The following RELCH variants were observed in gnomAD, a reference collection of about 807,000 sequenced individuals.
The protein encoded by RELCH is RAB11 binding and LisH domain, coiled-coil and HEAT repeat containing, also known as RAB11-binding protein RELCH.
RELCH carries 41 observed loss-of-function variants against 150.3 expected under a neutral mutation model. The ratio of observed to expected loss-of-function variants is 0.27; its 90% CI spans 0.21 to 0.35. The LOEUF is 0.35. Ranked by LOEUF, RELCH falls within the 10% of genes least tolerant of loss-of-function variation. The probability of loss-of-function intolerance (pLI) is 1.00; values close to 1 mark genes in which losing one functional copy is unlikely to be tolerated. For missense variants in RELCH, 1,092 were observed against 1,467.8 expected (o/e 0.74, Z 4.18); for synonymous variants, 478 against 531.8 (o/e 0.90, Z 1.39).
At chr18:62,298,909 C>T (rs1012801628) in intron 28 of RELCH, 49 bp downstream of exon 28, 1 of 1,047,914 alleles carries the variant, frequency 9.5e-7, no homozygotes, top group Non-Finnish European at 1.4e-6. Context: ...TTTAATTTTT[C>T]TATCTAAATT....
At chr18:62,243,894 A>T (rs1443768491) in intron 10 of RELCH, among the ~76,000 whole-genome samples, 1 of 152,046 alleles carries the variant, frequency 6.6e-6, no homozygotes, top group Non-Finnish European at 1.5e-5. Context: ...TCTTAATTAC[A>T]TCATAGTGAT....
At chr18:62,254,080 T>A (rs1480852776) in intron 12 of RELCH, among the ~76,000 whole-genome samples, 2 of 152,112 alleles carry the variant, frequency 1.3e-5, no homozygotes, top group Non-Finnish European at 2.9e-5. Flanking sequence ...CGGTTCCAGG[T>A]CCCTTGAATT....
At chr18:62,299,767 T>C (rs1483516799) in intron 28 of RELCH, among the ~76,000 whole-genome samples, 2 of 152,176 alleles carry the variant, frequency 1.3e-5, no homozygotes, top group Non-Finnish European at 2.9e-5. Flanking sequence ...TGAATTTCTA[T>C]ACATGTTATA....
At position 62,305,581 on chromosome 18, in the gene RELCH, G is replaced by T; in HGVS notation, c.*47G>T. On this transcript the variant is annotated 3_prime_UTR_variant, in exon 29 of 29. Coordinates refer to ENST00000644646, the MANE Select transcript of RELCH (RefSeq NM_001346231.2). This position sits in a 1 kb window ranked among gnomAD's most constrained non-coding sequence, Gnocchi z 4.0. ...TAAACACTAAGATGGACCTCAAGCC[G>T]ACTGGTTCCTTGTACTTGAAGTACT... The T allele has an allele frequency of 1.3e-6, 2 of 1,548,444 alleles. No individual in the cohort carries two copies. Among genetic ancestry groups the T allele is most frequent in the South Asian group, 1.2e-5 (1 of 80,174 alleles).
chr18:62,300,108 A>T (rs1199199650), intron 28 of RELCH: 2 of 152,166 alleles, frequency 1.3e-5, no homozygotes, highest in African/African-American at 4.8e-5. Context: ...TTTTTTCTCC[A>T]TACAATTTAC....
At chr18:62,250,374 TTAGC>T (rs900215168) in intron 11 of RELCH, among the ~76,000 whole-genome samples, 5 of 152,180 alleles carry the variant, frequency 3.3e-5, no homozygotes, top group Non-Finnish European at 5.9e-5. Context: ...TTAAGAAAAT[TTAGC>T]TATTACAATT....
chr18:62,187,733 G>A lies in RELCH; in HGVS notation c.228G>A (p.Ser76=). ...GGCCAGGGCTCCCTGGGGAGGCGTC[G>A]GCGGCTGCAGTGGCCCTGGGGGGCA... ...SARPGLPGEA[S]AAAVALGGTG... is the part of the protein sequence containing the mutation. The change falls in exon 1 of 29, where the codon TCG becomes TCA. Residue 76 remains serine (S), a synonymous_variant. Coordinates refer to ENST00000644646, the MANE Select transcript of RELCH (RefSeq NM_001346231.2). The A allele has an allele frequency of 1.2e-6, 2 of 1,609,282 alleles. No individual in the cohort carries two copies. Among genetic ancestry groups the A allele is most frequent in the Non-Finnish European group, 1.7e-6 (2 of 1,176,778 alleles).
At chr18:62,268,848 A>T (rs55806215) in intron 19 of RELCH, 21 bp from the exon 20 acceptor site, 248,820 of 1,271,720 alleles carry the variant, frequency 0.2, 26,626 homozygotes, top group Middle Eastern at 0.22. Context: ...ATGTTTTTTT[A>T]AATTATTTTA....
chr18:62,275,150 C>T (rs1055568569), intron 21 of RELCH, among the ~76,000 whole-genome samples: 4 of 152,152 alleles, frequency 2.6e-5, no homozygotes, highest in Admixed American at 6.6e-5. Flanking sequence ...CTCTTGACCT[C>T]GTGATCTGCC....
chr18:62,277,047 A>C (rs902804599), intron 22 of RELCH, among the ~76,000 whole-genome samples: 1 of 152,136 alleles, frequency 6.6e-6, no homozygotes, highest in African/African-American at 2.4e-5. Context: ...AAGCTCATAA[A>C]AGCTATTTCT....
Position 62,199,109 on chromosome 18 carries a change from AT to A in RELCH, c.526+11088del, listed in dbSNP as rs993762730. Among the ~76,000 whole-genome samples the A allele has an allele frequency of 1.0e-3, 152 of 147,582 alleles. 1 individual carries two copies. The highest frequency in any genetic ancestry group is 3.6e-3 in the African/African-American group (144 of 40,352). ...CTTGCCTGGTATCCTTGTCCACATTATTTTTTTTTTCTTATGGAATACTTGT... is the reference window on the plus strand; with the variant it reads ...CTTGCCTGGTATCCTTGTCCACATTATTTTTTTTTCTTATGGAATACTTGT... On this transcript the variant is annotated intron_variant, in intron 1 of 28. Coordinates refer to ENST00000644646, the MANE Select transcript of RELCH (RefSeq NM_001346231.2).
intron 1 of RELCH, among the ~76,000 whole-genome samples, chr18:62,195,545 T>C (rs1030937796): frequency 5.3e-5 from 8 of 152,088 alleles, no homozygotes; most frequent in African/African-American, 1.4e-4. Flanking sequence ...TGTAATGTGA[T>C]CAAGTGGAGA....
At chr18:62,219,325 CTTT>C (rs202196452) in intron 2 of RELCH, among the ~76,000 whole-genome samples, 1 of 112,870 alleles carries the variant, frequency 8.9e-6, no homozygotes, top group Non-Finnish European at 1.8e-5. Flanking sequence ...TTCTTTTTTT[CTTT>C]TTTTTTTTTT....
intron 27 of RELCH, among the ~76,000 whole-genome samples, chr18:62,292,223 G>T (rs1030410777): frequency 3.3e-5 from 5 of 152,020 alleles, no homozygotes; most frequent in African/African-American, 9.7e-5. Flanking sequence ...CATATTCCCT[G>T]CATCACACTA....
chr18:62,266,144 T>G (rs1568404253), intron 18 of RELCH, among the ~76,000 whole-genome samples: 2 of 151,854 alleles, frequency 1.3e-5, no homozygotes, highest in Non-Finnish European at 2.9e-5. Context: ...ATAAAAAATT[T>G]AAACAAACCT....
chr18:62,266,817 C>T lies in RELCH; in HGVS notation c.2680+68C>T, dbSNP rs1600153111. On this transcript the variant is annotated intron_variant, in intron 19 of 28. Transcript: ENST00000644646. The stretch of plus-strand genomic sequence containing the variant: ...TTATGCAGGAAAAATACTATATTCT[C>T]CATATATGTAAATTGTATAAATGAA... 6.7e-6 allele frequency: 6 copies of T among 900,804 alleles called. No individual in the cohort carries two copies. In the East Asian group the frequency reaches 1.6e-4, roughly 24 times the overall value. The allele number at this position is 900,804 out of a possible 1,614,324, so 55.8% of individuals were successfully genotyped here.
chr18:62,299,536 C>T (rs1428277824), intron 28 of RELCH, among the ~76,000 whole-genome samples: 2 of 152,122 alleles, frequency 1.3e-5, no homozygotes, highest in African/African-American at 2.4e-5. Flanking sequence ...GCATACGCTC[C>T]TCCCTATTCC....
chr18:62,203,667 T>A (rs2039592660), intron 1 of RELCH, among the ~76,000 whole-genome samples: 1 of 152,178 alleles, frequency 6.6e-6, no homozygotes, highest in Non-Finnish European at 1.5e-5. Context: ...TCAGTAGCCT[T>A]AATAATATTG....
chr18:62,254,184 G>C (rs888250645), intron 12 of RELCH, among the ~76,000 whole-genome samples: 1 of 152,080 alleles, frequency 6.6e-6, no homozygotes, highest in Non-Finnish European at 1.5e-5. Flanking sequence ...TTTATCTAGA[G>C]AGTATTGCCA....
Sources: allele counts gnomAD v4.1 joint callset (sites outside exome capture counted in the v4.1 genomes callset), GRCh38; gene constraint gnomAD v4.1.1; non-coding constraint Gnocchi (gnomAD v3.1); transcripts MANE v1.5; gene names NCBI Gene and HGNC (gene_info 2026-07-23, HGNC 2026-07-21).